Variants in ST6GAL2 observed in about 807,000 individuals in gnomAD.
The protein encoded by ST6GAL2 is beta-galactoside alpha-2,6-sialyltransferase 2.
Under a neutral mutation model 37.5 loss-of-function variants are expected in ST6GAL2, and 24 were observed. The ratio of observed to expected loss-of-function variants is 0.64; its 90% CI spans 0.46 to 0.90. The LOEUF is 0.90. Ranked by LOEUF, ST6GAL2 falls within the 40% of genes least tolerant of loss-of-function variation. The pLI is 0.00. For synonymous variants in ST6GAL2, 306 were observed against 295.1 expected, an observed-to-expected ratio of 1.04 and a Z score of -0.38; for missense variants, 715 against 712.7, an observed-to-expected ratio of 1.00 and a Z score of -0.04.
chr2:106,838,840 A>T (rs1177666794), intron 2 of ST6GAL2, among the ~76,000 whole-genome samples: 1 of 152,126 alleles, frequency 6.6e-6, no homozygotes, highest in Non-Finnish European at 1.5e-5. Flanking sequence ...GTTCAAGACC[A>T]GCCTGGCCAA....
chr2:106,835,415 C>T (rs1268441658), intron 2 of ST6GAL2, among the ~76,000 whole-genome samples: 9 of 152,300 alleles, frequency 5.9e-5, no homozygotes, highest in Non-Finnish European at 1.0e-4. Context: ...TGCATGCCCC[C>T]ACTAAAACAA....
chr2:106,865,991 A>C lies in ST6GAL2; in HGVS notation c.-58+20102T>G, dbSNP rs73949795. On this transcript the variant is annotated intron_variant, in intron 1 of 5. Transcript: ENST00000409382. The stretch of plus-strand genomic sequence containing the variant: ...GCATTTGCATTAGGTTGTCTTTACC[A>C]CAATAGAGCCATCACATTGGAAAAC... Among the ~76,000 whole-genome samples, 349 of 152,352 alleles carry C rather than the reference A, an allele frequency of 2.3e-3. 2 individuals carry two copies. Among genetic ancestry groups the C allele is most frequent in the African/African-American group, 8.1e-3 (336 of 41,580 alleles).
rs1488505297 is a variant in ST6GAL2, at chr2:106,805,026, C to A, written c.*1652G>T. The stretch of plus-strand genomic sequence containing the variant: ...GATTAAAACTTTCCAATTTCTCCTT[C>A]ACTATTATAGCAAGCTATAGGAGAT... On this transcript the variant is annotated 3_prime_UTR_variant, in exon 6 of 6. Transcript: ENST00000409382. 6.6e-6 allele frequency: 1 copy of A among 152,118 alleles called. No individual in the cohort carries two copies. Among genetic ancestry groups the A allele is most frequent in the African/African-American group, 2.4e-5 (1 of 41,418 alleles). 9.4% of individuals were successfully genotyped at this position (152,118 alleles called of 1,614,324 possible).
In ST6GAL2 at chr2:106,862,786, A is replaced by G. The variant is rs140842435; in HGVS notation, c.-57-18752T>C. Among the ~76,000 whole-genome samples the G allele has an allele frequency of 5.8e-3, 890 of 152,298 alleles. 5 individuals carry two copies. Among genetic ancestry groups the G allele is most frequent in the Non-Finnish European group, 9.7e-3 (661 of 68,028 alleles). On this transcript the variant is annotated intron_variant, in intron 1 of 5. Transcript: ENST00000409382. ...GCTTTACTTTATGACCCAGGCACCA[A>G]CCTGAGGCAGGGCATAGAAAAAACA...
Position 106,805,386 on chromosome 2 carries a change from A to G in ST6GAL2, c.*1292T>C, listed in dbSNP as rs1675383836. 1 of 152,230 alleles carries G rather than the reference A, an allele frequency of 6.6e-6. No individual in the cohort carries two copies. Among genetic ancestry groups the G allele is most frequent in the Non-Finnish European group, 1.5e-5 (1 of 68,040 alleles). The allele number at this position is 152,230 out of a possible 1,614,324, so 9.4% of individuals were successfully genotyped here. ...CATAGCAAAAATTTTTCAATGTATC[A>G]GTGACAGTTGAGATTAAAGAAAAAA... On this transcript the variant is annotated 3_prime_UTR_variant, in exon 6 of 6. Transcript: ENST00000409382.
intron 1 of ST6GAL2, among the ~76,000 whole-genome samples, chr2:106,865,116 C>T (rs749683515): frequency 1.8e-4 from 28 of 152,022 alleles, no homozygotes; most frequent in African/African-American, 5.6e-4. Context: ...AAATAACTTC[C>T]GAGAGCGCAG....
intron 1 of ST6GAL2, among the ~76,000 whole-genome samples, chr2:106,884,950 CAT>C (rs1678915762): frequency 1.6e-5 from 2 of 125,962 alleles, no homozygotes; most frequent in Non-Finnish European, 3.4e-5. Context: ...CACACACACA[CAT>C]ATATACATAT....
Position 106,802,516 on chromosome 2 carries a change from CAGAG to C in ST6GAL2, c.*4158_*4161del, listed in dbSNP as rs1411488088. 1 of 152,076 alleles carries C rather than the reference CAGAG, an allele frequency of 6.6e-6. No homozygotes were observed. The allele number at this position is 152,076 out of a possible 1,614,324, so 9.4% of individuals were successfully genotyped here. On this transcript the variant is annotated 3_prime_UTR_variant, in exon 6 of 6. Coordinates refer to ENST00000409382, the MANE Select transcript of ST6GAL2 (RefSeq NM_001142351.2). ...CTTACATTTTATTTCCTTGAACGGA[CAGAG>C]AAATACCTTTCATTTATCAAGTGTG...
chr2:106,863,443 G>C (rs754936709), intron 1 of ST6GAL2, among the ~76,000 whole-genome samples: 5 of 152,156 alleles, frequency 3.3e-5, no homozygotes, highest in Non-Finnish European at 5.9e-5. Context: ...ACACTGTAAA[G>C]CGTGTAGAAT....
rs1246912119 is a variant in ST6GAL2 at position 106,875,179 on chromosome 2, T to C, written c.-58+10914A>G. ...TCACTTTACTTTTTTTGTTTCTTTTTTTTTTTTTTTTGAAATGGGGTCCCA... is the reference window on the plus strand; with the variant it reads ...TCACTTTACTTTTTTTGTTTCTTTTCTTTTTTTTTTTGAAATGGGGTCCCA... On this transcript the variant is annotated intron_variant, in intron 1 of 5. Transcript: ENST00000409382. 2.2e-4 allele frequency among the ~76,000 whole-genome samples: 34 copies of C among 151,232 alleles called. No homozygotes were observed. In the East Asian group the frequency reaches 3.7e-3, roughly 16 times the overall value.
intron 1 of ST6GAL2, among the ~76,000 whole-genome samples, chr2:106,875,596 C>A (rs1434182811): frequency 6.6e-6 from 1 of 152,166 alleles, no homozygotes; most frequent in Non-Finnish European, 1.5e-5. Context: ...ACGGGAAAGG[C>A]CTGGATTGGG....
chr2:106,811,189 G>A lies in ST6GAL2; in HGVS notation c.1319-4240C>T, dbSNP rs545787724. On this transcript the variant is annotated intron_variant, in intron 5 of 5. Transcript: ENST00000409382. ...CAGACTCTGTCATATAATAAATAGT[G>A]AAAATTATTAGTATTAAATTTGATT... is the stretch of plus-strand genomic sequence containing the variant. Among the ~76,000 whole-genome samples the A allele has an allele frequency of 3.0e-3, 457 of 152,076 alleles. 2 individuals carry two copies. Among genetic ancestry groups the A allele is most frequent in the African/African-American group, 0.011 (448 of 41,460 alleles).
At chr2:106,859,109 A>C (rs577751616) in intron 1 of ST6GAL2, among the ~76,000 whole-genome samples, 1 of 152,308 alleles carries the variant, frequency 6.6e-6, no homozygotes, top group South Asian at 2.1e-4. Flanking sequence ...TCCTGATGTC[A>C]TGAGGCTGTC....
chr2:106,834,193 A>C (rs749518711), intron 2 of ST6GAL2, 47 bp from the exon 3 acceptor site: 12 of 1,389,210 alleles, frequency 8.6e-6, no homozygotes, highest in African/African-American at 1.4e-5. Flanking sequence ...CTGTAGAATC[A>C]CATAATCTAG....
intron 5 of ST6GAL2, among the ~76,000 whole-genome samples, chr2:106,828,877 C>T (rs1290076417): frequency 6.6e-6 from 1 of 152,002 alleles, no homozygotes; most frequent in Non-Finnish European, 1.5e-5. Context: ...AGCTAAAACA[C>T]AGATAAAGAA....
intron 5 of ST6GAL2, among the ~76,000 whole-genome samples, chr2:106,814,877 T>C (rs1675744022): frequency 6.6e-6 from 1 of 152,220 alleles, no homozygotes; most frequent in Non-Finnish European, 1.5e-5. Flanking sequence ...AAATCTCTAG[T>C]ATCTGACTAG....
At chr2:106,838,439 G>A (rs150265096) in intron 2 of ST6GAL2, among the ~76,000 whole-genome samples, 2 of 152,268 alleles carry the variant, frequency 1.3e-5, no homozygotes, top group African/African-American at 4.8e-5. Context: ...ACAAAGCATC[G>A]CTTTGGGAGC....
At chr2:106,883,775 A>T (rs1678846484) in intron 1 of ST6GAL2, among the ~76,000 whole-genome samples, 1 of 152,200 alleles carries the variant, frequency 6.6e-6, no homozygotes, top group South Asian at 2.1e-4. Flanking sequence ...AATCAGGAAT[A>T]ACACAATACA....
chr2:106,813,322 A>G (rs1054618566), intron 5 of ST6GAL2: 11 of 740,100 alleles, frequency 1.5e-5, no homozygotes, highest in Non-Finnish European at 2.1e-5. Flanking sequence ...GCTTTTAAAC[A>G]TCATATAACG....
Sources: allele counts gnomAD v4.1 joint callset (sites outside exome capture counted in the v4.1 genomes callset), GRCh38; gene constraint gnomAD v4.1.1; transcripts MANE v1.5; gene names NCBI Gene and HGNC (gene_info 2026-07-23, HGNC 2026-07-21).